The following OCA2 variants were observed in gnomAD, a reference collection of about 807,000 sequenced individuals.
OCA2 encodes the protein P protein.
OCA2 carries 77 observed loss-of-function variants against 100.2 expected under a neutral mutation model. The ratio of observed to expected loss-of-function variants is 0.77; its 90% CI spans 0.64 to 0.93. OCA2 has a LOEUF of 0.93. Among genes scored for constraint, OCA2 ranks in the 40% least tolerant of loss-of-function variants. The pLI is 0.00. For synonymous variants in OCA2, 432 were observed against 439.2 expected (o/e 0.98, Z 0.21); for missense variants, 1,062 against 1,089.1 (o/e 0.98, Z 0.35).
At chr15:27,837,900 G>GA (rs960503284) in intron 23 of OCA2, among the ~76,000 whole-genome samples, 5 of 140,990 alleles carry the variant, frequency 3.5e-5, no homozygotes, top group South Asian at 2.3e-4. Flanking sequence ...AAAAAAAAAA[G>GA]AAAAAAAGCT....
At chr15:27,817,769 C>A (rs2034359215) in intron 23 of OCA2, among the ~76,000 whole-genome samples, 1 of 152,178 alleles carries the variant, frequency 6.6e-6, no homozygotes, top group Admixed American at 6.5e-5. Context: ...AGGGGGCATA[C>A]AAACCTGCTG....
intron 9 of OCA2, among the ~76,000 whole-genome samples, chr15:28,012,867 T>C: frequency 6.6e-6 from 1 of 152,054 alleles, no homozygotes. Context: ...AATTGCAAAA[T>C]AATAGTAAAA....
intron 14 of OCA2, among the ~76,000 whole-genome samples, chr15:27,970,392 G>A (rs202096151): frequency 6.6e-6 from 1 of 152,172 alleles, no homozygotes; most frequent in Admixed American, 6.5e-5. Context: ...CCAAGGGAGT[G>A]GGGGAAAAGC....
At chr15:28,072,698 C>T (rs183367114) in intron 2 of OCA2, among the ~76,000 whole-genome samples, 3 of 151,794 alleles carry the variant, frequency 2.0e-5, no homozygotes, top group Middle Eastern at 3.4e-3. Context: ...TATGAAAAAG[C>T]GCTCAGCATC....
the OCA2 span, among the ~76,000 whole-genome samples, chr15:27,731,399 T>TA: frequency 2.6e-5 from 4 of 152,378 alleles, no homozygotes; most frequent in African/African-American, 9.6e-5. Context: ...TATTTCAAAT[T>TA]ACATATCTCT....
Position 28,077,632 on chromosome 15 carries a change from T to C in OCA2, c.227+4016A>G, listed in dbSNP as rs1482881936. 2.0e-5 allele frequency among the ~76,000 whole-genome samples: 3 copies of C among 152,196 alleles called. No individual in the cohort carries two copies. The East Asian group carries it at 5.8e-4, about 29-fold the overall frequency. On this transcript the variant is annotated intron_variant, in intron 2 of 23. Coordinates refer to ENST00000354638, the MANE Select transcript of OCA2 (RefSeq NM_000275.3). ...AGTCTGCTTTCTCCATATGTCTTTGTGGTTGGTTCCCTCTGTTATAGGACT... is the reference window on the plus strand; with the variant it reads ...AGTCTGCTTTCTCCATATGTCTTTGCGGTTGGTTCCCTCTGTTATAGGACT...
chr15:27,878,118 G>C (rs112115006), intron 19 of OCA2, among the ~76,000 whole-genome samples: 2,829 of 151,908 alleles, frequency 0.019, 89 homozygotes, highest in African/African-American at 0.064. Context: ...GCCTTGAAAT[G>C]ATATAGGTCA....
At chr15:27,896,962 G>A (rs949221378) in intron 19 of OCA2, among the ~76,000 whole-genome samples, 2 of 152,118 alleles carry the variant, frequency 1.3e-5, no homozygotes, top group African/African-American at 4.8e-5. Context: ...GGGCCGAGGT[G>A]GGCGGATTAC....
intron 9 of OCA2, among the ~76,000 whole-genome samples, chr15:28,014,317 C>T (rs1431458119): frequency 2.6e-5 from 4 of 152,180 alleles, no homozygotes; most frequent in Admixed American, 6.5e-5. Context: ...AGTTGGTAGA[C>T]GGAACAGATA....
chr15:27,961,670 C>A (rs547268477), intron 15 of OCA2, among the ~76,000 whole-genome samples: 1 of 152,286 alleles, frequency 6.6e-6, no homozygotes, highest in South Asian at 2.1e-4. Flanking sequence ...AAGCTGGAAA[C>A]CATCATTCTC....
At chr15:27,948,395 C>T (rs1434743076) in intron 18 of OCA2, among the ~76,000 whole-genome samples, 1 of 152,128 alleles carries the variant, frequency 6.6e-6, no homozygotes. Context: ...GAGAATAAAA[C>T]CCTAAGTTCA....
intron 22 of OCA2, among the ~76,000 whole-genome samples, chr15:27,850,856 G>A (rs998151140): frequency 2.6e-5 from 4 of 152,050 alleles, no homozygotes; most frequent in East Asian, 1.9e-4. Context: ...CCACAGCAAC[G>A]GCATCCACAA....
At chr15:27,869,432 C>T (rs1310189068) in intron 21 of OCA2, among the ~76,000 whole-genome samples, 2 of 152,230 alleles carry the variant, frequency 1.3e-5, no homozygotes, top group African/African-American at 4.8e-5. Context: ...AATGTTGACA[C>T]TTTCTCACTT....
intron 18 of OCA2, among the ~76,000 whole-genome samples, chr15:27,936,059 C>T (rs149071761): frequency 1.3e-5 from 2 of 152,344 alleles, no homozygotes; most frequent in East Asian, 3.9e-4. Flanking sequence ...GCCACCCTTT[C>T]ATGAAGTACT....
chr15:28,026,935 G>A (rs1487794648), intron 4 of OCA2, among the ~76,000 whole-genome samples: 1 of 152,198 alleles, frequency 6.6e-6, no homozygotes, highest in Non-Finnish European at 1.5e-5. Context: ...AGGCCACAAA[G>A]CCAGGAGGGC....
intron 2 of OCA2, among the ~76,000 whole-genome samples, chr15:28,080,835 G>T (rs552787766): frequency 6.6e-6 from 1 of 152,248 alleles, no homozygotes; most frequent in African/African-American, 2.4e-5. Context: ...TGCAAATTAT[G>T]GGTTTGCAGT....
Position 27,985,147 on chromosome 15 carries a change from G to A in OCA2, c.1281C>T (p.Ile427=), listed in dbSNP as rs772108982. 3 of 1,613,846 alleles carry A rather than the reference G, an allele frequency of 1.9e-6. No individual in the cohort carries two copies. The African/African-American group carries it at 4.0e-5, about 22-fold the overall frequency. ...LSRGRVWAMI[I]MLCLIAAVLS... is the part of the protein sequence containing the mutation. ...GGACGGCCGCGATGAGACAGAGCAT[G>A]ATGATCATGGCCCACACCCGTCCCC... Residue 427 remains isoleucine, a synonymous_variant, in exon 13 of 24, where the codon ATC becomes ATT. Coordinates refer to ENST00000354638, the MANE Select transcript of OCA2 (RefSeq NM_000275.3).
chr15:27,949,205 A>G (rs1193340547), intron 18 of OCA2, among the ~76,000 whole-genome samples: 1 of 152,218 alleles, frequency 6.6e-6, no homozygotes, highest in Non-Finnish European at 1.5e-5. Context: ...ACAGCACCCT[A>G]TGTTATATGA....
chr15:27,801,550 CAA>C (rs34636608), intron 23 of OCA2, among the ~76,000 whole-genome samples: 7,145 of 36,058 alleles, frequency 0.2, 77 homozygotes, highest in East Asian at 0.44. Flanking sequence ...GACTCGGTCT[CAA>C]AAAAAAAAAA....
Sources: gnomAD v4.1 joint callset for allele counts (sites outside exome capture counted in the v4.1 genomes callset) on GRCh38, gnomAD v4.1.1 for gene constraint, MANE v1.5 for transcripts, NCBI Gene and HGNC (gene_info 2026-07-23, HGNC 2026-07-21) for gene names.